The following UPP2 variants were observed in gnomAD, a reference collection of about 807,000 sequenced individuals.
UPP2 encodes uridine phosphorylase 2.
A neutral mutation model predicts 26.7 loss-of-function variants in UPP2; 23 were observed. The ratio of observed to expected loss-of-function variants is 0.86; its 90% CI spans 0.62 to 1.22. The LOEUF is 1.22. Among genes scored for constraint, UPP2 ranks in the 50% most tolerant of loss-of-function variants. The probability of loss-of-function intolerance (pLI) is 0.00; values close to 1 mark genes in which losing one functional copy is unlikely to be tolerated. For missense variants in UPP2, 387 were observed against 396.7 expected, an observed-to-expected ratio of 0.98 and a Z score of 0.21; for synonymous variants, 127 against 141.3, an observed-to-expected ratio of 0.90 and a Z score of 0.72.
chr2:157,999,177 T>A (rs1442868850), intron 2 of UPP2, among the ~76,000 whole-genome samples: 1 of 152,152 alleles, frequency 6.6e-6, no homozygotes, highest in African/African-American at 2.4e-5. Context: ...GTTGTTGTTG[T>A]TGTTGTTGTT....
In UPP2 at chr2:158,115,149, T is replaced by C; in HGVS notation, c.229T>C (p.Phe77Leu). 1 of 1,613,642 alleles carries C rather than the reference T, an allele frequency of 6.2e-7. No homozygotes were observed. Among genetic ancestry groups the C allele is most frequent in the East Asian group, 2.2e-5 (1 of 44,860 alleles). ...CAACAGAATGAAAGCATTTGCACTG[T>C]TTATGCACAAGGAGCTCGGGTTTGA... ...SPNRMKAFAL[F>L]MHKELGFEEA... The change falls in exon 3 of 7, where the codon TTT becomes CTT. Residue 77 changes from phenylalanine (F) to leucine (L), a missense_variant. Coordinates refer to ENST00000005756, the MANE Select transcript of UPP2 (RefSeq NM_173355.4).
chr2:158,115,400 T>G, intron 3 of UPP2, 141 bp downstream of exon 3: 1 of 1,045,900 alleles, frequency 9.6e-7, no homozygotes, highest in Non-Finnish European at 1.3e-6. Flanking sequence ...AGTTCATTAT[T>G]GGAAAAAGCC....
intron 2 of UPP2, among the ~76,000 whole-genome samples, chr2:158,004,849 T>C (rs1293427525): frequency 6.6e-6 from 1 of 152,388 alleles, no homozygotes; most frequent in Non-Finnish European, 1.5e-5. Context: ...ATAAGGTTTT[T>C]GTAATCAAAT....
chr2:158,134,676 T>A, intron 6 of UPP2, 72 bp from the exon 7 acceptor site: 3 of 1,466,730 alleles, frequency 2.0e-6, no homozygotes, highest in Non-Finnish European at 1.8e-6. Flanking sequence ...GGGATGCTGG[T>A]GTGTTTGGCT....
chr2:158,083,867 TTA>T lies in UPP2; in HGVS notation c.148-18157_148-18156del, dbSNP rs200105900. Among the ~76,000 whole-genome samples the T allele has an allele frequency of 9.3e-4, 136 of 145,826 alleles. 2 individuals carry two copies. The highest frequency in any genetic ancestry group is 3.0e-3 in the African/African-American group (117 of 39,364). ...ATGTCTGTTTATATATATATGTTTTTTATATATATATATATATCTCACAAGTT... is the reference window on the plus strand; with the variant it reads ...ATGTCTGTTTATATATATATGTTTTTTATATATATATATATCTCACAAGTT... On this transcript the variant is annotated intron_variant, in intron 3 of 9. Transcript: ENST00000605860.
chr2:158,069,024 A>G (rs1460068835), intron 3 of UPP2, among the ~76,000 whole-genome samples: 2 of 150,876 alleles, frequency 1.3e-5, no homozygotes, highest in Non-Finnish European at 3.0e-5. Context: ...TCACTGTGTT[A>G]GCCAGGATGG....
intron 3 of UPP2, among the ~76,000 whole-genome samples, chr2:158,023,672 G>A (rs1683790883): frequency 6.6e-6 from 1 of 152,090 alleles, no homozygotes; most frequent in Admixed American, 6.5e-5. Context: ...TTGGGTGGGG[G>A]TGATGGAGTA....
At chr2:158,062,920 G>T (rs1215735171) in intron 3 of UPP2, among the ~76,000 whole-genome samples, 3 of 152,100 alleles carry the variant, frequency 2.0e-5, no homozygotes, top group South Asian at 4.2e-4. Context: ...ATGCACATTT[G>T]TTGGGTATCT....
At chr2:158,042,600 T>C (rs1684096195) in intron 3 of UPP2, among the ~76,000 whole-genome samples, 1 of 152,208 alleles carries the variant, frequency 6.6e-6, no homozygotes, top group South Asian at 2.1e-4. Flanking sequence ...TGTCATGTCA[T>C]CACTGATGGA....
At chr2:158,119,718 A>C (rs1280374083) in intron 4 of UPP2, among the ~76,000 whole-genome samples, 10 of 152,018 alleles carry the variant, frequency 6.6e-5, no homozygotes, top group Non-Finnish European at 1.2e-4. Context: ...TGGATTGTTT[A>C]AAAACTATCT....
upstream of UPP2, among the ~76,000 whole-genome samples, chr2:158,100,184 T>G (rs1488591735): frequency 6.6e-6 from 1 of 152,146 alleles, no homozygotes; most frequent in Admixed American, 6.5e-5. Flanking sequence ...TCATCAACTT[T>G]TATAGATTCC....
At chr2:158,093,738 A>G (rs1298652583) in intron 3 of UPP2, among the ~76,000 whole-genome samples, 1 of 152,146 alleles carries the variant, frequency 6.6e-6, no homozygotes, top group Non-Finnish European at 1.5e-5. Context: ...CAATATGGGG[A>G]AATGGGGTTT....
chr2:158,121,629 T>G lies in UPP2; in HGVS notation c.664+11T>G, dbSNP rs766455533. 1.9e-5 allele frequency: 30 copies of G among 1,605,268 alleles called. No individual in the cohort carries two copies. In the Admixed American group the frequency reaches 3.5e-4, roughly 19 times the overall value. On this transcript the variant is annotated intron_variant, in intron 5 of 6. Coordinates refer to ENST00000005756, the MANE Select transcript of UPP2 (RefSeq NM_173355.4). Reference sequence around the variant, plus strand: ...ATGATTTTTATGAAGGTGAGAACAATTTATAAACTGTGAAGGAAACAGAAA... The same window carrying G: ...ATGATTTTTATGAAGGTGAGAACAAGTTATAAACTGTGAAGGAAACAGAAA...
intron 6 of UPP2, among the ~76,000 whole-genome samples, chr2:158,129,156 T>C (rs552464876): frequency 6.6e-6 from 1 of 152,148 alleles, no homozygotes; most frequent in Admixed American, 6.5e-5. Flanking sequence ...TTTAGCGCCA[T>C]TGATTCCACC....
intron 3 of UPP2, among the ~76,000 whole-genome samples, chr2:158,061,320 C>T (rs1319022661): frequency 6.6e-6 from 1 of 152,128 alleles, no homozygotes; most frequent in East Asian, 1.9e-4. Flanking sequence ...TGCCAGTGTT[C>T]CCCTCACACA....
intron 3 of UPP2, among the ~76,000 whole-genome samples, chr2:158,077,209 C>T (rs1682643685): frequency 6.6e-6 from 1 of 151,882 alleles, no homozygotes; most frequent in Non-Finnish European, 1.5e-5. Flanking sequence ...TCGGAAGAAT[C>T]AATATTGTTA....
At chr2:158,092,182 C>T (rs1244463242) in intron 3 of UPP2, among the ~76,000 whole-genome samples, 3 of 152,096 alleles carry the variant, frequency 2.0e-5, no homozygotes, top group African/African-American at 7.2e-5. Flanking sequence ...AGAAGATAAC[C>T]TATTCAGGAA....
intron 2 of UPP2, among the ~76,000 whole-genome samples, chr2:158,014,339 C>T (rs942030138): frequency 6.6e-5 from 10 of 152,126 alleles, no homozygotes; most frequent in East Asian, 1.9e-4. Flanking sequence ...AACCCCAGCT[C>T]GCAAATACTC....
chr2:158,103,269 G>C (rs1387122992), intron 1 of UPP2, among the ~76,000 whole-genome samples: 1 of 152,128 alleles, frequency 6.6e-6, no homozygotes, highest in African/African-American at 2.4e-5. Flanking sequence ...GAAATCATTA[G>C]ACGTTGGGAC....
Sources: gnomAD v4.1 joint callset for allele counts (sites outside exome capture counted in the v4.1 genomes callset) on GRCh38, gnomAD v4.1.1 for gene constraint, MANE v1.5 for transcripts, NCBI Gene and HGNC (gene_info 2026-07-23, HGNC 2026-07-21) for gene names.